Variants in USP15 observed in about 807,000 individuals in gnomAD.
The protein encoded by USP15 is ubiquitin specific peptidase 15, also known as ubiquitin carboxyl-terminal hydrolase 15.
A neutral mutation model predicts 127.1 loss-of-function variants in USP15; 18 were observed. That is an observed-to-expected ratio of 0.14 (90% CI 0.10 to 0.21). USP15 has a LOEUF of 0.21. USP15 is among the 10% of genes least tolerant of loss of function. The pLI, the probability that USP15 is intolerant of heterozygous loss-of-function variation, is 1.00. For missense variants in USP15, 805 were observed against 1,159.9 expected (o/e 0.69, Z 4.44); for synonymous variants, 364 against 393.7 (o/e 0.92, Z 0.89).
chr12:62,269,330 A>G lies in USP15; in HGVS notation c.89+8827A>G, dbSNP rs369909976. Among the ~76,000 whole-genome samples, 8 of 152,028 alleles carry G rather than the reference A, an allele frequency of 5.3e-5. No individual in the cohort carries two copies. In the East Asian group the frequency reaches 9.7e-4, roughly 18 times the overall value. ...TTCTAATACAATGGTAAGTATATAT[A>G]TATGTGTGTGTGTATAAATATATAT... On this transcript the variant is annotated intron_variant, in intron 1 of 21. Coordinates refer to ENST00000280377, the MANE Select transcript of USP15 (RefSeq NM_001252078.2).
At chr12:62,327,625 A>G (rs2065164220) in intron 6 of USP15, 1 of 436,740 alleles carries the variant, frequency 2.3e-6, no homozygotes. Context: ...TGCCCAAAAG[A>G]TGACTAATTT....
At chr12:62,365,713 T>C (rs1337281191) in intron 8 of USP15, among the ~76,000 whole-genome samples, 4 of 152,238 alleles carry the variant, frequency 2.6e-5, no homozygotes, top group African/African-American at 9.6e-5. Context: ...TTAATCCATC[T>C]TGAATTGATT....
In USP15 at chr12:62,339,990, A is replaced by G. The variant is rs960013748; in HGVS notation, c.684-9231A>G. On this transcript the variant is annotated intron_variant, in intron 6 of 21. Transcript: ENST00000280377. Reference sequence around the variant, plus strand: ...AGCTCCTCTTTGTACCTCTGGTACAATTTGGCTGTGAATCAGTCTGGTCCT... The same window carrying G: ...AGCTCCTCTTTGTACCTCTGGTACAGTTTGGCTGTGAATCAGTCTGGTCCT... Among the ~76,000 whole-genome samples the G allele has an allele frequency of 4.6e-5, 7 of 152,262 alleles. 1 individual carries two copies. In the South Asian group the frequency reaches 1.5e-3, roughly 32 times the overall value.
intron 1 of USP15, among the ~76,000 whole-genome samples, chr12:62,283,472 C>G (rs2063706758): frequency 6.6e-6 from 1 of 152,006 alleles, no homozygotes; most frequent in Non-Finnish European, 1.5e-5. Flanking sequence ...ATTTTAGGAG[C>G]CCTAGCCAAG....
chr12:62,395,465 A>G (rs1464654387), intron 19 of USP15, among the ~76,000 whole-genome samples: 1 of 152,126 alleles, frequency 6.6e-6, no homozygotes, highest in Non-Finnish European at 1.5e-5. Context: ...AGAATGGGGT[A>G]TCCATCCTCT....
chr12:62,341,525 C>T (rs1592627160), intron 6 of USP15, among the ~76,000 whole-genome samples: 1 of 152,070 alleles, frequency 6.6e-6, no homozygotes, highest in Non-Finnish European at 1.5e-5. Context: ...ACCAGTTTTT[C>T]CTTTCCATAT....
At chr12:62,278,698 T>G (rs115242441) in intron 1 of USP15, 1 of 152,144 alleles carries the variant, frequency 6.6e-6, no homozygotes, top group Non-Finnish European at 1.5e-5. Context: ...CTAAACTCAT[T>G]AGAAATTGAA....
chr12:62,267,822 G>A (rs2063233917), intron 1 of USP15, among the ~76,000 whole-genome samples: 1 of 152,240 alleles, frequency 6.6e-6, no homozygotes, highest in Non-Finnish European at 1.5e-5. Flanking sequence ...TTACTTAACT[G>A]AAAAGAGCAT....
intron 5 of USP15, among the ~76,000 whole-genome samples, chr12:62,324,312 AGGCATTAT>A (rs2065068911): frequency 6.6e-6 from 1 of 151,992 alleles, no homozygotes; most frequent in Non-Finnish European, 1.5e-5. Context: ...TTAGGAATTA[AGGCATTAT>A]GGTTAAATAA....
chr12:62,316,512 G>A (rs1256553966), intron 4 of USP15, among the ~76,000 whole-genome samples: 2 of 151,930 alleles, frequency 1.3e-5, no homozygotes, highest in African/African-American at 2.4e-5. Flanking sequence ...TACATGAGAA[G>A]AGTCTATAAA....
At chr12:62,338,341 A>T (rs1054244282) in intron 6 of USP15, among the ~76,000 whole-genome samples, 2 of 151,842 alleles carry the variant, frequency 1.3e-5, no homozygotes, top group Non-Finnish European at 2.9e-5. Context: ...TTCTCATGTA[A>T]ATTTGTTTAT....
At position 62,411,950 on chromosome 12, in the gene USP15, TC is replaced by T. The variant is rs1311543516; in HGVS notation, c.*7577del. ...TAAACCTAATTATCTCCTAAAGACTTCCTCTCCAAATACTATTTAAGGCTTC... is the reference window on the plus strand; with the variant it reads ...TAAACCTAATTATCTCCTAAAGACTTCTCTCCAAATACTATTTAAGGCTTC... On this transcript the variant is annotated 3_prime_UTR_variant, in exon 22 of 22. Transcript: ENST00000280377. 6.6e-6 allele frequency: 1 copy of T among 152,192 alleles called. No homozygotes were observed. The highest frequency in any genetic ancestry group is 1.5e-5 in the Non-Finnish European group (1 of 68,020). The allele number at this position is 152,192 out of a possible 1,614,324, so 9.4% of individuals were successfully genotyped here. A position where few individuals can be genotyped will look rare whatever the true frequency, so the allele number is the denominator to read the frequency against.
chr12:62,356,801 G>A (rs924745983), intron 8 of USP15, among the ~76,000 whole-genome samples: 4 of 151,982 alleles, frequency 2.6e-5, no homozygotes, highest in African/African-American at 4.8e-5. Flanking sequence ...AAGCCAAAAT[G>A]TATTATTATC....
chr12:62,326,768 A>T lies in USP15; in HGVS notation c.683+835A>T, dbSNP rs565834530. 1.1e-4 allele frequency among the ~76,000 whole-genome samples: 16 copies of T among 152,346 alleles called. No individual in the cohort carries two copies. The South Asian group carries it at 2.5e-3, about 24-fold the overall frequency. On this transcript the variant is annotated intron_variant, in intron 6 of 21. Coordinates refer to ENST00000280377, the MANE Select transcript of USP15 (RefSeq NM_001252078.2). ...AAATTCTTAAAATAATGATATTTTT[A>T]AAAAACTAATAACAATTTAGTACAT... is the stretch of plus-strand genomic sequence containing the variant.
chr12:62,370,995 A>G (rs1472436773), intron 8 of USP15, among the ~76,000 whole-genome samples: 1 of 152,100 alleles, frequency 6.6e-6, no homozygotes, highest in African/African-American at 2.4e-5. Flanking sequence ...CTCCTGTTAC[A>G]TTATTTCAAT....
At chr12:62,365,896 T>C (rs2066461085) in intron 8 of USP15, among the ~76,000 whole-genome samples, 1 of 152,224 alleles carries the variant, frequency 6.6e-6, no homozygotes, top group African/African-American at 2.4e-5. Context: ...GCCTCTGTTC[T>C]GTTGCATTGG....
At chr12:62,380,987 C>G (rs2066975684) in intron 8 of USP15, among the ~76,000 whole-genome samples, 1 of 152,058 alleles carries the variant, frequency 6.6e-6, no homozygotes, top group African/African-American at 2.4e-5. Flanking sequence ...TCTGTACTGT[C>G]TCTTCTAAAA....
At position 62,260,511 on chromosome 12, in the gene USP15, A is replaced by G. The variant is rs1264317473; in HGVS notation, c.89+8A>G. 1.4e-5 allele frequency: 22 copies of G among 1,550,590 alleles called. No individual in the cohort carries two copies. The highest frequency in any genetic ancestry group is 1.9e-5 in the Non-Finnish European group (22 of 1,146,826). ...CCGGAAAGGGGACACCTGGTAAGAG[A>G]AAGGGGTTGAGATGCCCGCGGTTGC... On this transcript the variant is annotated splice_region_variant and intron_variant, in intron 1 of 21. Coordinates refer to ENST00000280377, the MANE Select transcript of USP15 (RefSeq NM_001252078.2).
At chr12:62,281,912 T>C (rs889439515) in intron 1 of USP15, among the ~76,000 whole-genome samples, 1 of 152,198 alleles carries the variant, frequency 6.6e-6, no homozygotes, top group Non-Finnish European at 1.5e-5. Context: ...TATATACTTT[T>C]AGTACCGCAG....
Sources: allele counts gnomAD v4.1 joint callset (sites outside exome capture counted in the v4.1 genomes callset), GRCh38; gene constraint gnomAD v4.1.1; transcripts MANE v1.5; gene names NCBI Gene and HGNC (gene_info 2026-07-23, HGNC 2026-07-21).